Variants in DNAH2 observed in about 807,000 individuals in gnomAD.
The protein encoded by DNAH2 is axonemal beta dynein heavy chain 2.
A neutral mutation model predicts 523.5 loss-of-function variants in DNAH2; 323 were observed. That is an observed-to-expected ratio of 0.62 (90% CI 0.56 to 0.68). The LOEUF is 0.68. Among genes scored for constraint, DNAH2 ranks in the 30% least tolerant of loss-of-function variants. DNAH2 has a pLI of 0.00. For missense variants in DNAH2, 4,907 were observed against 5,701.5 expected, an observed-to-expected ratio of 0.86 and a Z score of 4.49; for synonymous variants, 2,093 against 2,177.4, an observed-to-expected ratio of 0.96 and a Z score of 1.08.
chr17:7,823,371 G>GAGA, intron 73 of DNAH2, 71 bp from the exon 74 acceptor site: 34 of 1,438,210 alleles, frequency 2.4e-5, no homozygotes, highest in Admixed American at 5.7e-5. Flanking sequence ...GAGAGAGAGA[G>GAGA]GAGAAAAAGA....
At chr17:7,805,213 G>A (rs561301869) in intron 60 of DNAH2, 39 bp from the exon 61 acceptor site, 4 of 1,609,160 alleles carry the variant, frequency 2.5e-6, no homozygotes, top group South Asian at 2.2e-5. Context: ...GTCTCCAGAA[G>A]GTCCTGTCTT....
chr17:7,740,940 G>A lies in DNAH2; in HGVS notation c.1637G>A (p.Gly546Glu). The A allele has an allele frequency of 6.2e-7, 1 of 1,613,170 alleles. No individual in the cohort carries two copies. Among genetic ancestry groups the A allele is most frequent in the Non-Finnish European group, 8.5e-7 (1 of 1,179,184 alleles). ...DLEPYVAQYS[G>E]KARWVHILRR... ...GAGCCCTACGTGGCCCAGTATTCCG[G>A]AAAGGCGCGCTGGGTGCACATCCTC... Residue 546 changes from glycine to glutamate, a missense_variant, in exon 11 of 86, where the codon GGA (glycine) becomes GAA (glutamate). By Grantham distance (98) the Gly-to-Glu change is moderately conservative. This residue lies in a region of DNAH2 where 2,806 missense variants were observed against 3,190.8 expected (regional missense o/e 0.88). Transcript: ENST00000572933.
chr17:7,824,241 C>T lies in DNAH2; in HGVS notation c.11599C>T (p.Leu3867=), dbSNP rs369463040. The part of the protein sequence containing the change: ...HMGMAQRFHA[L]SLGQGQAPIA... Reference sequence around the variant, plus strand: ...GGGCATGGCCCAGCGCTTCCACGCCCTGTCCCTGGGCCAGGGCCAGGCCCC... The same window carrying T: ...GGGCATGGCCCAGCGCTTCCACGCCTTGTCCCTGGGCCAGGGCCAGGCCCC... The change falls in exon 76 of 86, where the codon CTG becomes TTG. Residue 3867 remains leucine (L), a synonymous_variant. Transcript: ENST00000572933. The T allele has an allele frequency of 1.8e-5, 29 of 1,598,326 alleles. No individual in the cohort carries two copies. The highest frequency in any genetic ancestry group is 2.1e-5 in the Non-Finnish European group (25 of 1,173,724).
chr17:7,740,072 G>GT (rs1484766830), intron 9 of DNAH2, 134 bp downstream of exon 9: 13 of 665,468 alleles, frequency 2.0e-5, no homozygotes, highest in South Asian at 1.1e-4. Context: ...GGCCCGGGGG[G>GT]GGGGACAGGA....
intron 12 of DNAH2, among the ~76,000 whole-genome samples, chr17:7,752,879 A>G (rs1414501084): frequency 6.6e-6 from 1 of 152,186 alleles, no homozygotes; most frequent in African/African-American, 2.4e-5. Flanking sequence ...GTTAGCACTT[A>G]AAATTCAGGA....
At chr17:7,775,868 C>T (rs1201712304) in intron 30 of DNAH2, among the ~76,000 whole-genome samples, 156 bp from the exon 31 acceptor site, 1 of 152,166 alleles carries the variant, frequency 6.6e-6, no homozygotes, top group East Asian at 1.9e-4. Flanking sequence ...GCCTCCTAGC[C>T]TCCATTTCTC....
chr17:7,727,394 C>T, intron 4 of DNAH2, 102 bp downstream of exon 4: 3 of 1,431,210 alleles, frequency 2.1e-6, no homozygotes, highest in East Asian at 2.6e-5. Context: ...GTGCCCACGG[C>T]CTATTGAGCC....
In DNAH2 at chr17:7,824,570, C is replaced by A; in HGVS notation, c.11696C>A (p.Ser3899Ter). The A allele has an allele frequency of 6.3e-7, 1 of 1,582,116 alleles. No homozygotes were observed. Among genetic ancestry groups the A allele is most frequent in the Non-Finnish European group, 8.6e-7 (1 of 1,158,192 alleles). The change falls in exon 77 of 86, where the codon TCA (serine) becomes TAA (stop). Residue 3899 changes from serine to a stop codon, truncating the protein, a stop_gained. Coordinates refer to ENST00000572933, the MANE Select transcript of DNAH2 (RefSeq NM_020877.5). LOFTEE classifies it high-confidence loss of function. ...GTGTTCCTGGCAAACTGCCACCTGT[C>A]ACTGTCTTGGATGCCTAATCTGGAC... Reference protein sequence around the residue: ...HWVFLANCHLSLSWMPNLDKL... With the variant: ...HWVFLANCHL
At chr17:7,808,270 C>G (rs1351322394) in intron 63 of DNAH2, among the ~76,000 whole-genome samples, 1 of 151,578 alleles carries the variant, frequency 6.6e-6, no homozygotes, top group African/African-American at 2.4e-5. Context: ...ACTCAGGAGG[C>G]TGAGGCATGA....
rs1274780150 is a variant in DNAH2 at position 7,798,431 on chromosome 17, G to A, written c.8398+107G>A. On this transcript the variant is annotated intron_variant, in intron 54 of 85. Coordinates refer to ENST00000572933, the MANE Select transcript of DNAH2 (RefSeq NM_020877.5). This position sits in a 1 kb window ranked among gnomAD's most constrained non-coding sequence, Gnocchi z 5.5. ...CCAGATGGGCAGACGTGTCTGGCCCGTGTTGGGTGTAGGATGGTGTCGCGT... is the reference window on the plus strand; with the variant it reads ...CCAGATGGGCAGACGTGTCTGGCCCATGTTGGGTGTAGGATGGTGTCGCGT... The A allele has an allele frequency of 1.6e-5, 24 of 1,530,888 alleles. No homozygotes were observed. The East Asian group carries it at 3.2e-4, about 20-fold the overall frequency. The allele number at this position is 1,530,888 out of a possible 1,614,324, so 94.8% of individuals were successfully genotyped here. A position where few individuals can be genotyped will look rare whatever the true frequency, so the allele number is the denominator to read the frequency against.
chr17:7,819,513 G>A (rs1449530577), intron 72 of DNAH2, 105 bp downstream of exon 72: 13 of 1,204,920 alleles, frequency 1.1e-5, no homozygotes, highest in Non-Finnish European at 1.2e-5. Flanking sequence ...TCAGCCTGCC[G>A]CTGTCCTTGG....
chr17:7,740,272 T>C (rs777946166), intron 9 of DNAH2, 148 bp from the exon 10 acceptor site: 9 of 1,236,058 alleles, frequency 7.3e-6, no homozygotes, highest in African/African-American at 1.5e-5. Context: ...GTTTTGAGGA[T>C]TAAATGGATT....
At chr17:7,815,718 A>G (rs2077646910) in intron 63 of DNAH2, among the ~76,000 whole-genome samples, 3 of 152,072 alleles carry the variant, frequency 2.0e-5, no homozygotes, top group Non-Finnish European at 4.4e-5. Context: ...ACGGGATCAC[A>G]CACACGTATA....
intron 63 of DNAH2, among the ~76,000 whole-genome samples, chr17:7,814,890 A>C (rs2077616731): frequency 6.6e-6 from 1 of 152,240 alleles, no homozygotes; most frequent in Non-Finnish European, 1.5e-5. Flanking sequence ...TCAGAGGAAG[A>C]AGTCTGGCTG....
intron 39 of DNAH2, among the ~76,000 whole-genome samples, chr17:7,782,916 C>T (rs2076639404): frequency 1.3e-5 from 2 of 151,962 alleles, no homozygotes; most frequent in African/African-American, 2.4e-5. Flanking sequence ...GTGAAAAGGA[C>T]GATGGGAAAC....
intron 12 of DNAH2, 84 bp from the exon 13 acceptor site, chr17:7,757,007 T>C (rs2075859750): frequency 1.3e-6 from 2 of 1,575,136 alleles, no homozygotes; most frequent in Non-Finnish European, 1.7e-6. Context: ...TCCCTGTGCT[T>C]CCCAGCCTCT....
intron 11 of DNAH2, among the ~76,000 whole-genome samples, chr17:7,741,300 TCCTTCCCTCCCTCCCTCCCTCCC>T (rs2075330995): frequency 4.5e-5 from 2 of 44,912 alleles, no homozygotes; most frequent in Non-Finnish European, 3.7e-5. Context: ...CTTTCTTCCT[TCCTTCCCTCCCTCCCTCCCTCCC>T]TCCTTCCTTC....
At chr17:7,796,935 C>CAAAAAA (rs370280901) in intron 50 of DNAH2, among the ~76,000 whole-genome samples, 1 of 116,160 alleles carries the variant, frequency 8.6e-6, no homozygotes, top group African/African-American at 3.3e-5. Context: ...ATTAAAAATA[C>CAAAAAA]AAAAAAAAAA....
chr17:7,728,914 G>A (rs549776850), intron 4 of DNAH2, among the ~76,000 whole-genome samples: 1 of 152,148 alleles, frequency 6.6e-6, no homozygotes, highest in Admixed American at 6.5e-5. Context: ...GAGCCTGGGA[G>A]GTGGAGGTTG....
Sources: allele counts gnomAD v4.1 joint callset (sites outside exome capture counted in the v4.1 genomes callset), GRCh38; gene constraint gnomAD v4.1.1; regional missense constraint gnomAD v4.1.1; non-coding constraint Gnocchi (gnomAD v3.1); transcripts MANE v1.5; gene names NCBI Gene and HGNC (gene_info 2026-07-23, HGNC 2026-07-21).